Variants in POLK observed in about 807,000 individuals in gnomAD.
POLK encodes the protein DNA polymerase kappa.
A neutral mutation model predicts 94.0 loss-of-function variants in POLK; 76 were observed. The observed-to-expected ratio is 0.81, with a 90% CI of 0.67 to 0.98. The LOEUF (loss-of-function observed/expected upper bound fraction) is 0.98. POLK is among the 50% of genes least tolerant of loss of function. POLK has a pLI of 0.00. For missense variants in POLK, 954 were observed against 1,010.1 expected, an observed-to-expected ratio of 0.94 and a Z score of 0.75; for synonymous variants, 349 against 325.4, an observed-to-expected ratio of 1.07 and a Z score of -0.78.
intron 9 of POLK, among the ~76,000 whole-genome samples, 180 bp downstream of exon 9, chr5:75,585,106 T>G (rs1445895014): frequency 6.6e-6 from 1 of 152,218 alleles, no homozygotes; most frequent in Admixed American, 6.5e-5. Flanking sequence ...AAAAGAAGAA[T>G]AAAGAATCAC....
At chr5:75,543,333 C>A (rs1769851286) in intron 1 of POLK, among the ~76,000 whole-genome samples, 1 of 152,150 alleles carries the variant, frequency 6.6e-6, no homozygotes, top group African/African-American at 2.4e-5. Context: ...AGTCACTGCT[C>A]CCAGCTGTGC....
exon 1 of POLK, chr5:75,511,798 G>A (rs1459099725): frequency 1.5e-5 from 24 of 1,551,436 alleles, no homozygotes; most frequent in Non-Finnish European, 1.7e-5. Context: ...AAAAGCAGGA[G>A]GAGCGGAGAA....
chr5:75,596,899 T>G, exon 13 of POLK: 3 of 1,613,688 alleles, frequency 1.9e-6, no homozygotes, highest in South Asian at 2.2e-5. Flanking sequence ...AAGCAAGTCT[T>G]TTAATATTGA....
chr5:75,514,847 A>G (rs1768246945), intron 1 of POLK, among the ~76,000 whole-genome samples: 2 of 152,184 alleles, frequency 1.3e-5, no homozygotes, highest in South Asian at 4.2e-4. Context: ...TGTAGGTGAC[A>G]AAGTGAGACC....
At chr5:75,543,010 C>CT (rs1769831838) in intron 1 of POLK, among the ~76,000 whole-genome samples, 1 of 130,384 alleles carries the variant, frequency 7.7e-6, no homozygotes, top group Admixed American at 7.8e-5. Flanking sequence ...CGCGCCCAGC[C>CT]TTATTTATTT....
intron 1 of POLK, among the ~76,000 whole-genome samples, chr5:75,526,221 G>A (rs941341792): frequency 2.0e-5 from 3 of 151,836 alleles, no homozygotes; most frequent in Non-Finnish European, 2.9e-5. Flanking sequence ...GTGAGACTCC[G>A]TCTCTTAAAA....
At chr5:75,537,373 C>T (rs1039111436) in intron 1 of POLK, among the ~76,000 whole-genome samples, 8 of 152,288 alleles carry the variant, frequency 5.3e-5, no homozygotes, top group African/African-American at 1.9e-4. Context: ...TCTCACTCAC[C>T]GTTTGCGGTG....
intron 2 of POLK, among the ~76,000 whole-genome samples, chr5:75,550,885 A>C (rs1456873109): frequency 6.6e-6 from 1 of 152,178 alleles, no homozygotes; most frequent in Admixed American, 6.5e-5. Flanking sequence ...TTTTCTACTC[A>C]ACATAGTCCT....
exon 15 of POLK, chr5:75,598,888 GTAGT>G: frequency 6.6e-6 from 1 of 152,184 alleles, no homozygotes; most frequent in East Asian, 1.9e-4. Context: ...CAGCTTAATA[GTAGT>G]TAGCTTAAGT....
intron 3 of POLK, chr5:75,568,705 G>T (rs5744631): frequency 4.6e-6 from 2 of 439,154 alleles, no homozygotes; most frequent in Non-Finnish European, 9.0e-6. Context: ...CATTATAAAA[G>T]CAATTCTACA....
At chr5:75,539,785 A>G (rs1242274733) in intron 1 of POLK, among the ~76,000 whole-genome samples, 1 of 152,208 alleles carries the variant, frequency 6.6e-6, no homozygotes, top group African/African-American at 2.4e-5. Context: ...AGGAATTTGG[A>G]GAGTCAAATA....
rs900623050 is a variant in POLK at position 75,598,043 on chromosome 5, T to C, written c.*25T>C. 4.3e-6 allele frequency: 4 copies of C among 919,718 alleles called. No homozygotes were observed. The Admixed American group carries it at 1.1e-4, about 24-fold the overall frequency. The allele number at this position is 919,718 out of a possible 1,614,324, so 57.0% of individuals were successfully genotyped here. On this transcript the variant is annotated 3_prime_UTR_variant, in exon 15 of 15. Transcript: ENST00000241436. The stretch of plus-strand genomic sequence containing the variant: ...AACATTGAACATTTTATCATTAATT[T>C]TTAATTGAAACTAGTTATTTTATAA...
intron 1 of POLK, among the ~76,000 whole-genome samples, chr5:75,531,826 T>C (rs751271990): frequency 2.6e-5 from 4 of 152,046 alleles, no homozygotes; most frequent in Non-Finnish European, 4.4e-5. Flanking sequence ...TGTAAACTTA[T>C]CTCATACTTT....
chr5:75,603,707 C>T (rs914805596), downstream of POLK, among the ~76,000 whole-genome samples: 1 of 152,186 alleles, frequency 6.6e-6, no homozygotes, highest in African/African-American at 2.4e-5. Context: ...ACAGACCAAG[C>T]TGTTTCTCCT....
chr5:75,594,474 T>C lies in POLK; in HGVS notation c.1528+425T>C, dbSNP rs558586784. 2.6e-5 allele frequency among the ~76,000 whole-genome samples: 4 copies of C among 152,366 alleles called. No homozygotes were observed. The South Asian group carries it at 8.3e-4, about 32-fold the overall frequency. On this transcript the variant is annotated intron_variant, in intron 12 of 14. Coordinates refer to ENST00000241436, the Ensembl canonical transcript of POLK. ...TTCCAGTAAGGGTCAATTAAAGTTG[T>C]TATTTTCCTTATAACTTAATGAAAT...
chr5:75,570,038 A>G (rs976341896), intron 4 of POLK, among the ~76,000 whole-genome samples: 5 of 152,204 alleles, frequency 3.3e-5, no homozygotes, highest in African/African-American at 1.2e-4. Context: ...ATATATTACA[A>G]TGTAATTATA....
At chr5:75,589,937 C>G (rs1189217789) in intron 10 of POLK, among the ~76,000 whole-genome samples, 2 of 152,144 alleles carry the variant, frequency 1.3e-5, no homozygotes, top group Admixed American at 6.6e-5. Flanking sequence ...AAAGATGTTT[C>G]TCATCCATAA....
At chr5:75,531,362 C>G in intron 1 of POLK, among the ~76,000 whole-genome samples, 1 of 150,570 alleles carries the variant, frequency 6.6e-6, no homozygotes, top group East Asian at 1.9e-4. Flanking sequence ...TAGTATATAG[C>G]TATATAGTAT....
intron 3 of POLK, among the ~76,000 whole-genome samples, chr5:75,556,713 C>CT (rs774487569): frequency 0.046 from 6,488 of 139,740 alleles, 177 homozygotes; most frequent in Non-Finnish European, 0.069. Flanking sequence ...ATCTTTTTTT[C>CT]TTTTTTTTTT....
Sources: allele counts gnomAD v4.1 joint callset (sites outside exome capture counted in the v4.1 genomes callset), GRCh38; gene constraint gnomAD v4.1.1; transcripts MANE v1.5; gene names NCBI Gene and HGNC (gene_info 2026-07-23, HGNC 2026-07-21).